Variants in KIAA0319 observed in about 807,000 individuals in gnomAD.
The protein encoded by KIAA0319 is dyslexia-associated protein KIAA0319.
Under a neutral mutation model 108.4 loss-of-function variants are expected in KIAA0319, and 83 were observed. The ratio of observed to expected loss-of-function variants is 0.77; its 90% CI spans 0.64 to 0.92. KIAA0319 has a LOEUF of 0.92. KIAA0319 is among the 40% of genes least tolerant of loss of function. KIAA0319 has a pLI of 0.00. For missense variants in KIAA0319, 1,195 were observed against 1,322.4 expected (o/e 0.90, Z 1.49); for synonymous variants, 484 against 510.4 (o/e 0.95, Z 0.70).
chr6:24,572,396 C>A (rs1764844500), intron 11 of KIAA0319, among the ~76,000 whole-genome samples, 179 bp downstream of exon 11: 2 of 152,204 alleles, frequency 1.3e-5, no homozygotes, highest in African/African-American at 4.8e-5. Context: ...CTCATTTCAT[C>A]CTTCATGCCA....
At chr6:24,580,215 T>C (rs988182673) in intron 7 of KIAA0319, among the ~76,000 whole-genome samples, 6 of 152,150 alleles carry the variant, frequency 3.9e-5, no homozygotes, top group Admixed American at 3.9e-4. Context: ...CATCACAGAA[T>C]GTGAGCAGTA....
chr6:24,607,577 A>C (rs1189640180), intron 1 of KIAA0319, among the ~76,000 whole-genome samples: 1 of 152,242 alleles, frequency 6.6e-6, no homozygotes, highest in Non-Finnish European at 1.5e-5. Flanking sequence ...AAAATGGCAG[A>C]TATACCCTTG....
intron 1 of KIAA0319, among the ~76,000 whole-genome samples, chr6:24,614,539 G>A (rs1772869504): frequency 6.6e-6 from 1 of 151,744 alleles, no homozygotes; most frequent in African/African-American, 2.4e-5. Flanking sequence ...ACGTCCATTA[G>A]TTTTAATCCT....
intron 1 of KIAA0319, among the ~76,000 whole-genome samples, chr6:24,618,185 G>C (rs926326909): frequency 6.6e-6 from 1 of 152,040 alleles, no homozygotes; most frequent in South Asian, 2.1e-4. Flanking sequence ...ATAAACCCCA[G>C]GGGGAGAAAT....
Position 24,564,340 on chromosome 6 carries a change from C to A in KIAA0319, c.2293G>T (p.Asp765Tyr), listed in dbSNP as rs1233749713. 2.5e-6 allele frequency: 4 copies of A among 1,614,132 alleles called. No individual in the cohort carries two copies. Among genetic ancestry groups the A allele is most frequent in the Non-Finnish European group, 2.5e-6 (3 of 1,179,986 alleles). Residue 765 changes from aspartate (D) to tyrosine (Y), a missense_variant and splice_region_variant, in exon 15 of 21, where the codon GAT (aspartate) becomes TAT (tyrosine). Asp to Tyr is a radical substitution (Grantham distance 160, BLOSUM62 -3). Transcript: ENST00000378214. ...CTGTGGTCAGAGCCATCGATGACAT[C>A]CTGCGAAAGAACACGGATCACAGGG... ...IRDGQSPAAG[D>Y]VIDGSDHSVA...
chr6:24,565,935 A>T (rs1021814292), intron 14 of KIAA0319, among the ~76,000 whole-genome samples: 3 of 152,180 alleles, frequency 2.0e-5, no homozygotes, highest in Non-Finnish European at 4.4e-5. Flanking sequence ...AATACGAAGG[A>T]TGGAAAAGCA....
chr6:24,634,280 C>A (rs1775933764), intron 1 of KIAA0319, among the ~76,000 whole-genome samples: 1 of 152,198 alleles, frequency 6.6e-6, no homozygotes, highest in South Asian at 2.1e-4. Context: ...AAAATACAAG[C>A]ACACCTCGAA....
At position 24,564,356 on chromosome 6, in the gene KIAA0319, G is replaced by C; in HGVS notation, c.2293-16C>G. 1 of 1,614,054 alleles carries C rather than the reference G, an allele frequency of 6.2e-7. No homozygotes were observed. The highest frequency in any genetic ancestry group is 1.1e-5 in the South Asian group (1 of 91,066). Reference sequence around the variant, plus strand: ...CGATGACATCCTGCGAAAGAACACGGATCACAGGGCAGCTGTCAATCCTCG... The same window carrying C: ...CGATGACATCCTGCGAAAGAACACGCATCACAGGGCAGCTGTCAATCCTCG... On this transcript the variant is annotated splice_polypyrimidine_tract_variant and intron_variant, in intron 14 of 20. Coordinates refer to ENST00000378214, the MANE Select transcript of KIAA0319 (RefSeq NM_014809.4).
chr6:24,642,783 A>C (rs986464931), intron 1 of KIAA0319, among the ~76,000 whole-genome samples: 1 of 151,858 alleles, frequency 6.6e-6, no homozygotes, highest in Non-Finnish European at 1.5e-5. Flanking sequence ...CAGTGAGGCA[A>C]TCTGGGCTCA....
At chr6:24,557,722 A>C (rs1001667161) in intron 17 of KIAA0319, among the ~76,000 whole-genome samples, 4 of 152,122 alleles carry the variant, frequency 2.6e-5, no homozygotes, top group African/African-American at 9.7e-5. Flanking sequence ...AATTTTATTG[A>C]AGAGAAATTT....
chr6:24,550,057 T>C (rs959101244), intron 20 of KIAA0319, among the ~76,000 whole-genome samples: 4 of 152,192 alleles, frequency 2.6e-5, no homozygotes, highest in African/African-American at 7.2e-5. Flanking sequence ...CTTCTGATAT[T>C]ATGCAATGCA....
At chr6:24,558,370 T>TAGAC (rs149479574) in intron 17 of KIAA0319, among the ~76,000 whole-genome samples, 7 of 30,492 alleles carry the variant, frequency 2.3e-4, no homozygotes, top group Non-Finnish European at 6.3e-4. Context: ...TATATCTAGA[T>TAGAC]AGATAGATAG....
At chr6:24,551,829 C>G (rs1761556399) in intron 19 of KIAA0319, among the ~76,000 whole-genome samples, 1 of 152,194 alleles carries the variant, frequency 6.6e-6, no homozygotes, top group African/African-American at 2.4e-5. Flanking sequence ...GGGAGCTCTT[C>G]TTCCTGAGTA....
chr6:24,639,498 TAA>T (rs1776639752), intron 1 of KIAA0319, among the ~76,000 whole-genome samples: 1 of 152,226 alleles, frequency 6.6e-6, no homozygotes, highest in Admixed American at 6.5e-5. Context: ...ATATTCTTAC[TAA>T]AAGAGTTACT....
chr6:24,572,995 C>A (rs770689172), intron 10 of KIAA0319, among the ~76,000 whole-genome samples: 7 of 152,034 alleles, frequency 4.6e-5, no homozygotes, highest in Admixed American at 6.6e-5. Context: ...ATGGCGGGCA[C>A]CTGTAATCCC....
rs1770307126 is a variant in KIAA0319, at chr6:24,599,639, C to A, written c.55+1410G>T. On this transcript the variant is annotated intron_variant, in intron 2 of 20. Transcript: ENST00000378214. This position sits in a 1 kb window ranked among gnomAD's most constrained non-coding sequence, Gnocchi z 4.1. ...GTGAGCTGAGCTCAGCCTATGGGGG[C>A]CTCAGCTACAGCCTGGGCTCCAGCT... 3.2e-6 allele frequency: 2 copies of A among 624,744 alleles called. No individual in the cohort carries two copies. Among genetic ancestry groups the A allele is most frequent in the Non-Finnish European group, 5.9e-6 (2 of 337,346 alleles). 38.7% of individuals were successfully genotyped at this position (624,744 alleles called of 1,614,324 possible).
At chr6:24,644,249 G>C (rs545348716) in intron 1 of KIAA0319, among the ~76,000 whole-genome samples, 36 of 152,238 alleles carry the variant, frequency 2.4e-4, no homozygotes, top group East Asian at 1.5e-3. Context: ...AGGGGAGAGG[G>C]GGGGGTTCCC....
intron 1 of KIAA0319, among the ~76,000 whole-genome samples, chr6:24,641,122 A>T (rs1776856634): frequency 6.6e-6 from 1 of 152,308 alleles, no homozygotes; most frequent in East Asian, 1.9e-4. Flanking sequence ...TACGAATTTG[A>T]CTACACTGAA....
At position 24,593,018 on chromosome 6, in the gene KIAA0319, C is replaced by T. The variant is rs959705056; in HGVS notation, c.801+2855G>A. Among the ~76,000 whole-genome samples the T allele has an allele frequency of 2.1e-4, 32 of 152,160 alleles. 1 individual carries two copies. Among genetic ancestry groups the T allele is most frequent in the African/African-American group, 6.8e-4 (28 of 41,434 alleles). ...AATAAATAAAAAAAAACATTATCTA[C>T]TGGATACCTCTCCAGGTTATCTGCC... On this transcript the variant is annotated intron_variant, in intron 3 of 20. Coordinates refer to ENST00000378214, the MANE Select transcript of KIAA0319 (RefSeq NM_014809.4).
Sources: allele counts gnomAD v4.1 joint callset (sites outside exome capture counted in the v4.1 genomes callset), GRCh38; gene constraint gnomAD v4.1.1; non-coding constraint Gnocchi (gnomAD v3.1); transcripts MANE v1.5; gene names NCBI Gene and HGNC (gene_info 2026-07-23, HGNC 2026-07-21).